The following AMBRA1 variants were observed in gnomAD, a reference collection of about 807,000 sequenced individuals.
AMBRA1 encodes the protein activating molecule in BECN1-regulated autophagy protein 1.
In AMBRA1, 47 loss-of-function variants were observed where a neutral mutation model predicts 125.4. That is an observed-to-expected ratio of 0.37 (90% CI 0.30 to 0.48). The LOEUF (loss-of-function observed/expected upper bound fraction) is 0.48. AMBRA1 is among the 20% of genes least tolerant of loss of function. The pLI is 0.99. For synonymous variants in AMBRA1, 626 were observed against 655.5 expected (o/e 0.95, Z 0.69); for missense variants, 1,331 against 1,693.4 (o/e 0.79, Z 3.76).
At chr11:46,495,659 T>G (rs1446980742) in intron 9 of AMBRA1, 2 of 152,208 alleles carry the variant, frequency 1.3e-5, no homozygotes, top group African/African-American at 2.4e-5. Flanking sequence ...ACCAGCAGAC[T>G]GCAGTTACTG....
At chr11:46,470,546 G>A (rs901912864) in intron 11 of AMBRA1, among the ~76,000 whole-genome samples, 4 of 137,830 alleles carry the variant, frequency 2.9e-5, no homozygotes, top group South Asian at 2.2e-4. Context: ...CCGAGATGGC[G>A]CCACTGCACT....
chr11:46,409,373 G>GT (rs1196014521), intron 16 of AMBRA1, among the ~76,000 whole-genome samples: 1 of 152,122 alleles, frequency 6.6e-6, no homozygotes, highest in African/African-American at 2.4e-5. Context: ...GCTAATTTTT[G>GT]TATTTTTAGT....
At chr11:46,591,794 T>C (rs1349593072) in intron 1 of AMBRA1, among the ~76,000 whole-genome samples, 2 of 151,214 alleles carry the variant, frequency 1.3e-5, no homozygotes, top group Non-Finnish European at 2.9e-5. Context: ...GCGGAGAAGT[T>C]TGCAGTGAGC....
At chr11:46,481,156 G>A (rs569122847) in intron 11 of AMBRA1, among the ~76,000 whole-genome samples, 1 of 152,262 alleles carries the variant, frequency 6.6e-6, no homozygotes, top group East Asian at 1.9e-4. Flanking sequence ...TCCCCAGACT[G>A]ATAAGAGCAG....
chr11:46,563,650 G>A (rs574397203), intron 1 of AMBRA1, among the ~76,000 whole-genome samples: 73 of 151,482 alleles, frequency 4.8e-4, no homozygotes, highest in African/African-American at 1.7e-3. Context: ...GACCAGCCTG[G>A]CCAATGTAGT....
intron 1 of AMBRA1, among the ~76,000 whole-genome samples, chr11:46,568,335 G>A (rs994670910): frequency 6.6e-6 from 1 of 151,994 alleles, no homozygotes; most frequent in Non-Finnish European, 1.5e-5. Flanking sequence ...GCAGGCGCCT[G>A]TAATTCCAGC....
Position 46,445,147 on chromosome 11 carries a change from C to A in AMBRA1, c.2522-1549G>T, listed in dbSNP as rs528709099. ...AAGCATCAGAGTATATAAATAGATA[C>A]ACATTGTATCTGTGATATTAAAATT... On this transcript the variant is annotated intron_variant, in intron 11 of 17. Coordinates refer to ENST00000683756, the MANE Select transcript of AMBRA1 (RefSeq NM_001387011.1). 1.7e-4 allele frequency among the ~76,000 whole-genome samples: 25 copies of A among 150,268 alleles called. No individual in the cohort carries two copies. The Middle Eastern group carries it at 0.014, about 83-fold the overall frequency.
At chr11:46,518,429 CAAAAAAAAAA>C (rs761919668) in intron 7 of AMBRA1, 1,710 of 58,484 alleles carry the variant, frequency 0.029, 25 homozygotes, top group Admixed American at 0.049. Context: ...GACTCCGTCT[CAAAAAAAAAA>C]AAAAAAAAAA....
intron 11 of AMBRA1, among the ~76,000 whole-genome samples, chr11:46,491,748 C>A (rs967332780): frequency 1.3e-5 from 2 of 152,186 alleles, no homozygotes; most frequent in Non-Finnish European, 2.9e-5. Context: ...TCAGATTTCA[C>A]ATCTGTAAAC....
At chr11:46,471,194 C>T (rs1419402268) in intron 11 of AMBRA1, among the ~76,000 whole-genome samples, 3 of 152,180 alleles carry the variant, frequency 2.0e-5, no homozygotes, top group Non-Finnish European at 4.4e-5. Flanking sequence ...GTAATCCCAG[C>T]ACTTTGGGAG....
At chr11:46,494,227 A>G (rs770357121) in intron 9 of AMBRA1, 23 bp from the exon 10 acceptor site, 7 of 1,563,664 alleles carry the variant, frequency 4.5e-6, no homozygotes, top group African/African-American at 1.3e-5. Context: ...AAAACACTAC[A>G]CATAAGAGAG....
intron 1 of AMBRA1, among the ~76,000 whole-genome samples, chr11:46,588,150 T>C (rs991534782): frequency 2.0e-5 from 3 of 152,164 alleles, no homozygotes; most frequent in African/African-American, 7.2e-5. Flanking sequence ...CTGGCCAACA[T>C]GGTGAAACCT....
chr11:46,516,372 C>T (rs1314777879), intron 7 of AMBRA1, among the ~76,000 whole-genome samples: 1 of 148,502 alleles, frequency 6.7e-6, no homozygotes, highest in Non-Finnish European at 1.5e-5. Context: ...GATGAGTAAA[C>T]ATCCTAGGAA....
chr11:46,492,137 T>G (rs1176405645), intron 11 of AMBRA1, among the ~76,000 whole-genome samples: 1 of 152,212 alleles, frequency 6.6e-6, no homozygotes, highest in African/African-American at 2.4e-5. Flanking sequence ...CCACAGCATC[T>G]GTTTTACAAC....
chr11:46,511,160 G>C (rs1388203186), intron 8 of AMBRA1, among the ~76,000 whole-genome samples: 2 of 152,176 alleles, frequency 1.3e-5, no homozygotes, highest in Admixed American at 1.3e-4. Context: ...CTGGGGATGA[G>C]ATGCCTATTG....
intron 7 of AMBRA1, among the ~76,000 whole-genome samples, chr11:46,533,961 G>A (rs555592721): frequency 2.1e-4 from 32 of 151,620 alleles, no homozygotes; most frequent in Admixed American, 5.3e-4. Flanking sequence ...TGTCTAAAAT[G>A]TCCTTCCCCT....
At chr11:46,414,244 T>C (rs2136636687) in intron 15 of AMBRA1, among the ~76,000 whole-genome samples, 1 of 152,318 alleles carries the variant, frequency 6.6e-6, no homozygotes, top group East Asian at 1.9e-4. Flanking sequence ...AGATGCCTGG[T>C]GTCTCTGCAG....
In AMBRA1 at chr11:46,397,900, G is replaced by A; in HGVS notation, c.3447C>T (p.Ser1149=). ...EYGASGEDAL[S]RIQRLMAEGG... ...CCTCCGCCATCAGCCTCTGGATCCT[G>A]CTGAGCGCATCTTCTCCACTGGCAC... Residue 1149 remains serine, a synonymous_variant, in exon 18 of 18, where the codon AGC becomes AGT. Transcript: ENST00000683756. The A allele has an allele frequency of 6.3e-7, 1 of 1,599,194 alleles. No homozygotes were observed. The highest frequency in any genetic ancestry group is 8.5e-7 in the Non-Finnish European group (1 of 1,179,456).
intron 12 of AMBRA1, among the ~76,000 whole-genome samples, chr11:46,440,045 A>C (rs1565160578): frequency 6.6e-6 from 1 of 152,160 alleles, no homozygotes; most frequent in Non-Finnish European, 1.5e-5. Context: ...AGCTGTATAG[A>C]GTGTGGTATG....
Sources: allele counts gnomAD v4.1 joint callset (sites outside exome capture counted in the v4.1 genomes callset), GRCh38; gene constraint gnomAD v4.1.1; transcripts MANE v1.5; gene names NCBI Gene and HGNC (gene_info 2026-07-23, HGNC 2026-07-21).